Variants in BARHL2 observed in about 807,000 individuals in gnomAD.
BARHL2 encodes the protein BarH like homeobox 2.
A neutral mutation model predicts 27.1 loss-of-function variants in BARHL2; 10 were observed. That is an observed-to-expected ratio of 0.37 (90% CI 0.23 to 0.63). The LOEUF (loss-of-function observed/expected upper bound fraction) is 0.63, where lower values mean the gene tolerates loss of function less well. BARHL2 is among the 20% of genes least tolerant of loss of function. The pLI is 0.65. For synonymous variants in BARHL2, 248 were observed against 224.7 expected (o/e 1.10, Z -0.93); for missense variants, 483 against 533.5 (o/e 0.91, Z 0.93).
intron 1 of BARHL2, 65 bp downstream of exon 1, chr1:90,716,506 G>A (rs755473059): frequency 8.4e-5 from 129 of 1,529,702 alleles, no homozygotes; most frequent in Middle Eastern, 4.4e-4. Context: ...GCTGAAGGCT[G>A]AAGGGGAGAT....
intron 1 of BARHL2, 96 bp from the exon 2 acceptor site, chr1:90,714,852 A>G (rs1658110446): frequency 1.7e-6 from 2 of 1,200,986 alleles, no homozygotes; most frequent in Non-Finnish European, 2.5e-6. Flanking sequence ...CAAGCCAACT[A>G]CTGGCTTCGG....
intron 1 of BARHL2, among the ~76,000 whole-genome samples, chr1:90,716,125 G>GGT (rs1658140220): frequency 6.9e-6 from 1 of 144,992 alleles, no homozygotes; most frequent in Admixed American, 6.9e-5. Context: ...GTGGGGGGGG[G>GGT]GTGAAATCAC....
chr1:90,717,032 A>G lies in BARHL2; in HGVS notation c.164T>C (p.Ile55Thr). 6.2e-7 allele frequency: 1 copy of G among 1,613,888 alleles called. No homozygotes were observed. The highest frequency in any genetic ancestry group is 8.5e-7 in the Non-Finnish European group (1 of 1,179,952). ...SQATPSPCSE[I>T]DTVGTAPSSP... ...AGAAGGCGCCGTCCCTACGGTATCA[A>G]TCTCCGAACAGGGAGATGGGGTGGC... Residue 55 changes from isoleucine (I) to threonine (T), a missense_variant, in exon 1 of 3, where the codon ATT becomes ACT. Transcript: ENST00000370445.
At position 90,717,022 on chromosome 1, in the gene BARHL2, T is replaced by C. The variant is rs758452734; in HGVS notation, c.174A>G (p.Val58=). The change falls in exon 1 of 3, where the codon GTA becomes GTG. Residue 58 remains valine, a synonymous_variant. Transcript: ENST00000370445. ...TPSPCSEIDT[V]GTAPSSPISV... is the part of the protein sequence containing the mutation. ...AGATAGGAGAAGAAGGCGCCGTCCC[T>C]ACGGTATCAATCTCCGAACAGGGAG... 48 of 1,613,746 alleles carry C rather than the reference T, an allele frequency of 3.0e-5. No individual in the cohort carries two copies. Among genetic ancestry groups the C allele is most frequent in the Middle Eastern group, 1.6e-4 (1 of 6,080 alleles).
At position 90,714,698 on chromosome 1, in the gene BARHL2, T is replaced by C; in HGVS notation, c.684A>G (p.Arg228=). The C allele has an allele frequency of 1.2e-6, 2 of 1,614,172 alleles. No individual in the cohort carries two copies. The stretch of plus-strand genomic sequence containing the variant: ...TCCTTGCTTTTCGAGGCTTCTTGGC[T>C]CTCACAGGGGGACTCTCACGGCTAC... ...ITSSRESPPV[R]AKKPRKARTA... Residue 228 remains arginine (R), a synonymous_variant, in exon 2 of 3, where the codon AGA becomes AGG. Transcript: ENST00000370445.
In BARHL2 at chr1:90,716,708, C is replaced by G; in HGVS notation, c.488G>C (p.Ser163Thr). Residue 163 changes from serine (S) to threonine (T), a missense_variant, in exon 1 of 3, where the codon AGC becomes ACC. This residue lies in a region of BARHL2 where 304 missense variants were observed against 284.9 expected (regional missense o/e 1.07). Transcript: ENST00000370445. ...PLAACAPYST[S>T]VSSPHHTPKQ... ...CGGGGTGTGGTGGGGAGAGGATACG[C>G]TGGTGCTGTAGGGTGCACATGCCGC... The G allele has an allele frequency of 1.2e-6, 2 of 1,610,718 alleles. No homozygotes were observed. The highest frequency in any genetic ancestry group is 1.7e-6 in the Non-Finnish European group (2 of 1,178,364).
rs371806578 is a variant in BARHL2, at chr1:90,714,771, C to A, written c.626-15G>T. 1 of 1,612,946 alleles carries A rather than the reference C, an allele frequency of 6.2e-7. No individual in the cohort carries two copies. Among genetic ancestry groups the A allele is most frequent in the Non-Finnish European group, 8.5e-7 (1 of 1,179,048 alleles). On this transcript the variant is annotated splice_polypyrimidine_tract_variant and intron_variant, in intron 1 of 2. Coordinates refer to ENST00000370445, the MANE Select transcript of BARHL2 (RefSeq NM_020063.2). The stretch of plus-strand genomic sequence containing the variant: ...CTCCTTTGTCCCTACCATAGAAACC[C>A]AGCCACGGTGGTAAGTTAGCCTGGA...
At chr1:90,716,511 G>A (rs1224883549) in intron 1 of BARHL2, 60 bp downstream of exon 1, 2 of 1,544,508 alleles carry the variant, frequency 1.3e-6, no homozygotes, top group Admixed American at 1.7e-5. Flanking sequence ...AGGCTGAAGG[G>A]GAGATTGGGA....
intron 2 of BARHL2, among the ~76,000 whole-genome samples, chr1:90,713,407 GGAA>G (rs1658077460): frequency 6.6e-6 from 1 of 152,200 alleles, no homozygotes; most frequent in African/African-American, 2.4e-5. Flanking sequence ...CACCCTGCTA[GGAA>G]GAAGAGAGCG....
Position 90,712,187 on chromosome 1 carries a change from C to T in BARHL2, c.*125G>A, listed in dbSNP as rs1008809887. On this transcript the variant is annotated 3_prime_UTR_variant, in exon 3 of 3. Coordinates refer to ENST00000370445, the MANE Select transcript of BARHL2 (RefSeq NM_020063.2). ...CACTGGTAAGCATCTTCCTCTCTTA[C>T]TCCTCTGCCTTCCAGAGTTGGCTGC... The T allele has an allele frequency of 3.9e-5, 42 of 1,077,144 alleles. No individual in the cohort carries two copies. Among genetic ancestry groups the T allele is most frequent in the Admixed American group, 3.1e-5 (1 of 32,224 alleles). The allele number at this position is 1,077,144 out of a possible 1,614,324, so 66.7% of individuals were successfully genotyped here. A position where few individuals can be genotyped will look rare whatever the true frequency, so the allele number is the denominator to read the frequency against.
At chr1:90,714,099 T>C (rs983321165) in intron 2 of BARHL2, among the ~76,000 whole-genome samples, 2 of 152,202 alleles carry the variant, frequency 1.3e-5, no homozygotes, top group East Asian at 1.9e-4. Flanking sequence ...TCTGTGGGAA[T>C]AGCAATAGCT....
chr1:90,713,670 G>A (rs1386154574), intron 2 of BARHL2, among the ~76,000 whole-genome samples: 2 of 152,178 alleles, frequency 1.3e-5, no homozygotes, highest in African/African-American at 4.8e-5. Flanking sequence ...GAAAAGGAGG[G>A]GTAGAGAAAA....
At position 90,717,106 on chromosome 1, in the gene BARHL2, T is replaced by G. The variant is rs912035127; in HGVS notation, c.90A>C (p.Gly30=). The change falls in exon 1 of 3, where the codon GGA becomes GGC. Residue 30 remains glycine, a synonymous_variant. Transcript: ENST00000370445. Reference sequence around the variant, plus strand: ...TGGCCTCACCGAGCGGGCGGAAATCTCCATTCATCATGCCTGGGCTGCCTG... The same window carrying G: ...TGGCCTCACCGAGCGGGCGGAAATCGCCATTCATCATGCCTGGGCTGCCTG... The part of the protein sequence containing the change: ...ASSGSPGMMN[G]DFRPLGEART... The G allele has an allele frequency of 3.7e-6, 6 of 1,613,714 alleles. No homozygotes were observed. The highest frequency in any genetic ancestry group is 5.1e-6 in the Non-Finnish European group (6 of 1,179,962).
Position 90,712,174 on chromosome 1 carries a change from T to A in BARHL2, c.*138A>T, listed in dbSNP as rs888929178. On this transcript the variant is annotated 3_prime_UTR_variant, in exon 3 of 3. Coordinates refer to ENST00000370445, the MANE Select transcript of BARHL2 (RefSeq NM_020063.2). Reference sequence around the variant, plus strand: ...GGGGTCCCCTGCCCACTGGTAAGCATCTTCCTCTCTTACTCCTCTGCCTTC... The same window carrying A: ...GGGGTCCCCTGCCCACTGGTAAGCAACTTCCTCTCTTACTCCTCTGCCTTC... 1.0e-6 allele frequency: 1 copy of A among 960,868 alleles called. No homozygotes were observed. Among genetic ancestry groups the A allele is most frequent in the African/African-American group, 1.6e-5 (1 of 60,868 alleles). The allele number at this position is 960,868 out of a possible 1,614,324, so 59.5% of individuals were successfully genotyped here.
chr1:90,716,916 G>C lies in BARHL2; in HGVS notation c.280C>G (p.Pro94Ala). ...HHHHLHHSQQ[P>A]PPPAAAPTQS... is the part of the protein sequence containing the mutation. ...GTCGGGGCCGCGGCCGGCGGCGGCGGCTGCTGGCTGTGGTGGAGGTGGTGA... is the reference window on the plus strand; with the variant it reads ...GTCGGGGCCGCGGCCGGCGGCGGCGCCTGCTGGCTGTGGTGGAGGTGGTGA... Residue 94 changes from proline to alanine, a missense_variant, in exon 1 of 3, where the codon CCG (proline) becomes GCG (alanine). Coordinates refer to ENST00000370445, the MANE Select transcript of BARHL2 (RefSeq NM_020063.2). 1 of 1,605,662 alleles carries C rather than the reference G, an allele frequency of 6.2e-7. No individual in the cohort carries two copies. Among genetic ancestry groups the C allele is most frequent in the South Asian group, 1.1e-5 (1 of 90,396 alleles).
rs537748730 is a variant in BARHL2 at position 90,716,291 on chromosome 1, C to T, written c.625+280G>A. Among the ~76,000 whole-genome samples the T allele has an allele frequency of 1.2e-4, 18 of 152,266 alleles. No individual in the cohort carries two copies. In the South Asian group the frequency reaches 3.7e-3, roughly 32 times the overall value. ...CGAAAAGTATTTCCTGTCGGATGCC[C>T]TCCGCCGCCCCTCAACCCCCAGTAG... On this transcript the variant is annotated intron_variant, in intron 1 of 2. Transcript: ENST00000370445.
chr1:90,716,577 A>T lies in BARHL2; in HGVS notation c.619T>A (p.Cys207Ser). The T allele has an allele frequency of 6.2e-7, 1 of 1,614,122 alleles. No individual in the cohort carries two copies. The change falls in exon 1 of 3, where the codon TGC (cysteine) becomes AGC (serine). Residue 207 changes from cysteine (C) to serine (S), a missense_variant. Physicochemically the swap from Cys to Ser is moderately radical, Grantham distance 112. This residue lies in a region of BARHL2 where 304 missense variants were observed against 284.9 expected (regional missense o/e 1.07). Transcript: ENST00000370445. ...GCCGGGTGGCGGGACTCACCGTGGC[A>T]TTTGATGTCGCTCTGGGAATCCTCC... ...KREDSQSDIK[C>S]HGTKEEGDRE...
chr1:90,715,538 T>C (rs974795238), intron 1 of BARHL2, among the ~76,000 whole-genome samples: 2 of 152,292 alleles, frequency 1.3e-5, no homozygotes, highest in East Asian at 1.9e-4. Context: ...ATCTCTCTAA[T>C]TGACCCACTG....
intron 1 of BARHL2, among the ~76,000 whole-genome samples, chr1:90,716,076 T>C (rs1237760725): frequency 3.0e-5 from 4 of 135,292 alleles, no homozygotes; most frequent in Admixed American, 7.9e-5. Context: ...TTTCCTCCAT[T>C]AAAACCGATA....
Sources: allele counts gnomAD v4.1 joint callset (sites outside exome capture counted in the v4.1 genomes callset), GRCh38; gene constraint gnomAD v4.1.1; regional missense constraint gnomAD v4.1.1; transcripts MANE v1.5; gene names NCBI Gene and HGNC (gene_info 2026-07-23, HGNC 2026-07-21).